Variants in ADA observed in about 807,000 individuals in gnomAD.
The protein encoded by ADA is adenosine deaminase.
ADA carries 45 observed loss-of-function variants against 49.0 expected under a neutral mutation model. The ratio of observed to expected loss-of-function variants is 0.92; its 90% confidence interval spans 0.72 to 1.18. The LOEUF (loss-of-function observed/expected upper bound fraction) is 1.18. Ranked by LOEUF, ADA falls within the 50% of genes most tolerant of loss-of-function variation. ADA has a pLI of 0.00. For synonymous variants in ADA, 173 were observed against 184.2 expected (o/e 0.94, Z 0.49); for missense variants, 445 against 472.5 (o/e 0.94, Z 0.54).
rs1476785957 is a variant in ADA, at chr20:44,620,289, A to G, written c.1078+10T>C. The G allele has an allele frequency of 6.2e-7, 1 of 1,612,866 alleles. No homozygotes were observed. ...AGGGCAACTGCCCAGAAGCCCAGAC[A>G]GGAACCTACCTGCAGAGGCTGAAGG... On this transcript the variant is annotated intron_variant, in intron 11 of 11. Transcript: ENST00000372874.
rs1295930112 is a variant in ADA, at chr20:44,627,348, A to AT, written c.219-750dup. Among the ~76,000 whole-genome samples, 32 of 151,924 alleles carry AT rather than the reference A, an allele frequency of 2.1e-4. 1 individual carries two copies. Among genetic ancestry groups the AT allele is most frequent in the African/African-American group, 7.5e-4 (31 of 41,384 alleles). On this transcript the variant is annotated intron_variant, in intron 3 of 11. Transcript: ENST00000372874. The stretch of plus-strand genomic sequence containing the variant: ...AGGCGCATGCCACCACGCCCGGCTA[A>AT]TTTTTTGTATTTTTAGTAGAGACAG...
chr20:44,622,531 T>G (rs577405975), intron 9 of ADA, 57 bp downstream of exon 9: 1 of 1,601,238 alleles, frequency 6.2e-7, no homozygotes, highest in African/African-American at 1.3e-5. Flanking sequence ...CTAAAGTTTC[T>G]TCCCTCTTTG....
At position 44,634,163 on chromosome 20, in the gene ADA, C is replaced by T. The variant is rs1235254231; in HGVS notation, c.95+2064G>A. Among the ~76,000 whole-genome samples the T allele has an allele frequency of 3.9e-5, 6 of 152,230 alleles. 1 individual carries two copies. The highest frequency in any genetic ancestry group is 1.4e-4 in the African/African-American group (6 of 41,456). Reference sequence around the variant, plus strand: ...GCTGCAGCTGATGAGCCCTCCGTGACCCCTTAATGAGTGCCTGGGTTCGAT... The same window carrying T: ...GCTGCAGCTGATGAGCCCTCCGTGATCCCTTAATGAGTGCCTGGGTTCGAT... On this transcript the variant is annotated intron_variant, in intron 2 of 11. Transcript: ENST00000372874.
intron 1 of ADA, among the ~76,000 whole-genome samples, chr20:44,642,410 G>C (rs997694418): frequency 6.6e-6 from 1 of 152,210 alleles, no homozygotes; most frequent in Admixed American, 6.5e-5. Context: ...ACACTGGGGT[G>C]GGGGCAATTT....
At chr20:44,641,772 G>GT (rs531940059) in intron 1 of ADA, among the ~76,000 whole-genome samples, 4,130 of 143,296 alleles carry the variant, frequency 0.029, 148 homozygotes, top group African/African-American at 0.091. Flanking sequence ...TGTTGTTGTT[G>GT]TTTTTTTTTT....
intron 1 of ADA, among the ~76,000 whole-genome samples, chr20:44,642,352 C>A (rs1398542629): frequency 6.6e-6 from 1 of 152,180 alleles, no homozygotes; most frequent in Non-Finnish European, 1.5e-5. Flanking sequence ...CTCAGCCTTG[C>A]AAACTGTGAT....
intron 1 of ADA, among the ~76,000 whole-genome samples, chr20:44,648,018 C>G (rs1443974640): frequency 6.6e-6 from 1 of 152,076 alleles, no homozygotes; most frequent in Non-Finnish European, 1.5e-5. Context: ...TGCACTCCAG[C>G]TTGGGCGACA....
chr20:44,627,452 G>T (rs938455136), intron 3 of ADA, among the ~76,000 whole-genome samples: 36 of 152,116 alleles, frequency 2.4e-4, no homozygotes, highest in African/African-American at 8.4e-4. Flanking sequence ...AAGTGCTGGG[G>T]ATACAGGCGT....
At chr20:44,627,370 A>C (rs1738331300) in intron 3 of ADA, among the ~76,000 whole-genome samples, 1 of 151,906 alleles carries the variant, frequency 6.6e-6, no homozygotes, top group African/African-American at 2.4e-5. Context: ...TTTAGTAGAG[A>C]CAGCGTTTCG....
At position 44,619,649 on chromosome 20, in the gene ADA, T is replaced by G; in HGVS notation, c.*185A>C. 1 of 728,140 alleles carries G rather than the reference T, an allele frequency of 1.4e-6. No individual in the cohort carries two copies. 45.1% of individuals were successfully genotyped at this position (728,140 alleles called of 1,614,324 possible). On this transcript the variant is annotated 3_prime_UTR_variant, in exon 12 of 12. Transcript: ENST00000372874. ...GCTGGTCCCTGGCCAGGGCACATAA[T>G]CAGAGAAGTGACGCGGCCATGCCGA...
chr20:44,651,162 T>G (rs544997211), intron 1 of ADA, among the ~76,000 whole-genome samples: 80 of 152,326 alleles, frequency 5.3e-4, no homozygotes, highest in African/African-American at 1.9e-3. Flanking sequence ...CGTACAAAGC[T>G]GCTTCCATTC....
Position 44,622,611 on chromosome 20 carries a change from C to A in ADA, c.822G>T (p.Pro274=), listed in dbSNP as rs562095440. The change falls in exon 9 of 12, where the codon CCG becomes CCT. Residue 274 remains proline (P), a synonymous_variant. Transcript: ENST00000372874. Reference sequence around the variant, plus strand: ...ACCGAATGACTGCATGCTCCGTGTCCGGCTTCCAGGCACCAGTGAGGTAGC... The same window carrying A: ...ACCGAATGACTGCATGCTCCGTGTCAGGCTTCCAGGCACCAGTGAGGTAGC... ...WSSYLTGAWK[P]DTEHAVIRLK... is the part of the protein sequence containing the mutation. 4.3e-6 allele frequency: 7 copies of A among 1,614,114 alleles called. No homozygotes were observed. Among genetic ancestry groups the A allele is most frequent in the Non-Finnish European group, 5.9e-6 (7 of 1,180,054 alleles).
intron 1 of ADA, among the ~76,000 whole-genome samples, chr20:44,636,753 GTCCCAAAC>G (rs2065484603): frequency 6.6e-6 from 1 of 152,160 alleles, no homozygotes; most frequent in Non-Finnish European, 1.5e-5. Context: ...TGACCCAGAT[GTCCCAAAC>G]TAGGGAAGAG....
In ADA at chr20:44,651,677, G is replaced by T; in HGVS notation, c.-70C>A. On this transcript the variant is annotated 5_prime_UTR_variant, in exon 1 of 12. Coordinates refer to ENST00000372874, the MANE Select transcript of ADA (RefSeq NM_000022.4). ...GTGGGTCTCTGCCGGCTCGGTGGCC[G>T]CTCGGCTTTCCCTGGGGCCAGCGGT... 3 of 1,441,924 alleles carry T rather than the reference G, an allele frequency of 2.1e-6. No homozygotes were observed. Among genetic ancestry groups the T allele is most frequent in the East Asian group, 3.1e-5 (1 of 32,460 alleles). The allele number at this position is 1,441,924 out of a possible 1,614,324, so 89.3% of individuals were successfully genotyped here.
chr20:44,620,336 G>A lies in ADA; in HGVS notation c.1041C>T (p.Leu347=). 2 of 1,614,224 alleles carry A rather than the reference G, an allele frequency of 1.2e-6. No homozygotes were observed. Among genetic ancestry groups the A allele is most frequent in the South Asian group, 1.1e-5 (1 of 91,084 alleles). Residue 347 remains leucine (L), a synonymous_variant, in exon 11 of 12, where the codon CTC becomes CTT. Coordinates refer to ENST00000372874, the MANE Select transcript of ADA (RefSeq NM_000022.4). ...AAGGTGGCATCCCATAGGCTTTATA[G>A]AGCAGGTCGAGAAGCTCCCTCTTTT... ...EDEKRELLDL[L]YKAYGMPPSA...
chr20:44,620,939 A>G, intron 10 of ADA, 79 bp downstream of exon 10: 1 of 1,597,710 alleles, frequency 6.3e-7, no homozygotes, highest in Non-Finnish European at 8.6e-7. Flanking sequence ...CTCTCCAAAG[A>G]TTCCAGGCCC....
chr20:44,626,054 G>T (rs244073), intron 4 of ADA, among the ~76,000 whole-genome samples: 12,010 of 152,248 alleles, frequency 0.079, 506 homozygotes, highest in South Asian at 0.16. Flanking sequence ...ATCCATGGGG[G>T]CCCAGGCAGG....
chr20:44,645,491 G>A (rs1281028159), intron 1 of ADA, among the ~76,000 whole-genome samples: 4 of 151,934 alleles, frequency 2.6e-5, no homozygotes, highest in Non-Finnish European at 2.9e-5. Flanking sequence ...GCATGGTGGC[G>A]CACACCTGTA....
intron 1 of ADA, 102 bp downstream of exon 1, chr20:44,651,473 C>A: frequency 8.5e-7 from 1 of 1,181,270 alleles, no homozygotes; most frequent in Non-Finnish European, 1.2e-6. Context: ...CAGGAGCCCC[C>A]GTTCGTTCCC....
Sources: allele counts gnomAD v4.1 joint callset (sites outside exome capture counted in the v4.1 genomes callset), GRCh38; gene constraint gnomAD v4.1.1; transcripts MANE v1.5; gene names NCBI Gene and HGNC (gene_info 2026-07-23, HGNC 2026-07-21).